The following TMEM266 variants were observed in gnomAD, a reference collection of about 807,000 sequenced individuals.
TMEM266 encodes transmembrane protein 266, also known as Hv1 related protein 1.
Under a neutral mutation model 50.5 loss-of-function variants are expected in TMEM266, and 33 were observed. The observed-to-expected ratio is 0.65, with a 90% confidence interval of 0.50 to 0.87. The LOEUF (loss-of-function observed/expected upper bound fraction) is 0.87. TMEM266 is among the 40% of genes least tolerant of loss of function. The pLI, the probability that TMEM266 is intolerant of heterozygous loss-of-function variation, is 0.00. For missense variants in TMEM266, 655 were observed against 695.1 expected, an observed-to-expected ratio of 0.94 and a Z score of 0.65; for synonymous variants, 310 against 292.3, an observed-to-expected ratio of 1.06 and a Z score of -0.62.
At chr15:76,152,836 C>G (rs1366192578) in intron 3 of TMEM266, among the ~76,000 whole-genome samples, 1 of 152,208 alleles carries the variant, frequency 6.6e-6, no homozygotes, top group Admixed American at 6.5e-5. Context: ...GCCTGACCCT[C>G]TCTCCCACTA....
At chr15:76,093,849 A>G (rs1322692496) in intron 1 of TMEM266, among the ~76,000 whole-genome samples, 2 of 151,928 alleles carry the variant, frequency 1.3e-5, no homozygotes, top group East Asian at 3.8e-4. Flanking sequence ...TTTGATTTGC[A>G]TTTCTCTGAT....
chr15:76,074,899 AT>A lies in TMEM266; in HGVS notation c.-97+14886del, dbSNP rs1188931308. Among the ~76,000 whole-genome samples, 2 of 151,958 alleles carry A rather than the reference AT, an allele frequency of 1.3e-5. 1 individual carries two copies. Among genetic ancestry groups the A allele is most frequent in the African/African-American group, 4.8e-5 (2 of 41,272 alleles). On this transcript the variant is annotated intron_variant, in intron 1 of 10. Transcript: ENST00000388942. ...ATATTTTGAAGGTGGAGCTGGTAGG[AT>A]TTGCTGATGGATTGGTTGTGGGGTG... is the stretch of plus-strand genomic sequence containing the variant.
chr15:76,084,847 TG>T (rs1280802431), intron 1 of TMEM266, among the ~76,000 whole-genome samples: 1 of 151,996 alleles, frequency 6.6e-6, no homozygotes, highest in African/African-American at 2.4e-5. Flanking sequence ...GTGATCTGCC[TG>T]CCTTGGCCTC....
chr15:76,127,909 T>C (rs1388637283), intron 1 of TMEM266, among the ~76,000 whole-genome samples: 1 of 152,154 alleles, frequency 6.6e-6, no homozygotes, highest in Non-Finnish European at 1.5e-5. Context: ...TTTCGAACAC[T>C]CCAGACATAC....
At chr15:76,164,769 G>A (rs2038067423) in intron 5 of TMEM266, among the ~76,000 whole-genome samples, 1 of 152,138 alleles carries the variant, frequency 6.6e-6, no homozygotes, top group Admixed American at 6.6e-5. Context: ...ACCACCCTAC[G>A]CCCCCAACCC....
chr15:76,126,260 T>C (rs938478301), intron 1 of TMEM266, among the ~76,000 whole-genome samples: 1 of 151,636 alleles, frequency 6.6e-6, no homozygotes, highest in East Asian at 1.9e-4. Context: ...TGAAGAGATA[T>C]CTGCACTCTT....
intron 1 of TMEM266, among the ~76,000 whole-genome samples, chr15:76,076,004 A>T (rs1203216510): frequency 6.6e-6 from 1 of 151,432 alleles, no homozygotes; most frequent in South Asian, 2.1e-4. Context: ...CCACAGGTAC[A>T]TACCACCATG....
At chr15:76,192,705 A>AG (rs913900694) in intron 9 of TMEM266, among the ~76,000 whole-genome samples, 4 of 152,242 alleles carry the variant, frequency 2.6e-5, no homozygotes, top group African/African-American at 9.6e-5. Flanking sequence ...CACGAGCGAT[A>AG]GCCCAGGGTA....
At chr15:76,191,944 A>G (rs1268646698) in intron 8 of TMEM266, 24 bp from the exon 9 acceptor site, 2 of 1,558,668 alleles carry the variant, frequency 1.3e-6, no homozygotes, top group Admixed American at 1.9e-5. Context: ...CCGCTGATTC[A>G]GCCTTGCCCG....
At chr15:76,112,257 AAAC>A (rs1468079021) in intron 1 of TMEM266, 1 of 152,226 alleles carries the variant, frequency 6.6e-6, no homozygotes, top group African/African-American at 2.4e-5. Context: ...CCATAAAAGT[AAAC>A]AACACAAAGA....
At chr15:76,106,539 A>G (rs2037083208) in intron 1 of TMEM266, among the ~76,000 whole-genome samples, 1 of 152,104 alleles carries the variant, frequency 6.6e-6, no homozygotes, top group South Asian at 2.1e-4. Flanking sequence ...TCCTGAACTC[A>G]AGCGATCCTC....
rs1386781065 is a variant in TMEM266, at chr15:76,139,624, G to A, written c.227+1729G>A. ...GGGCTCTGCAAATGATGTAGCTGGTGGGTCCTTCTCTGAGCACCCAGCAAG... is the reference window on the plus strand; with the variant it reads ...GGGCTCTGCAAATGATGTAGCTGGTAGGTCCTTCTCTGAGCACCCAGCAAG... On this transcript the variant is annotated intron_variant, in intron 3 of 10. Coordinates refer to ENST00000388942, the MANE Select transcript of TMEM266 (RefSeq NM_152335.3). The surrounding 1 kb of genome is among the most constrained non-coding windows in gnomAD (Gnocchi z 4.1). Among the ~76,000 whole-genome samples the A allele has an allele frequency of 6.6e-6, 1 of 152,182 alleles. No homozygotes were observed. The highest frequency in any genetic ancestry group is 2.4e-5 in the African/African-American group (1 of 41,442).
chr15:76,109,546 C>T (rs528809881), intron 1 of TMEM266, among the ~76,000 whole-genome samples: 1 of 152,096 alleles, frequency 6.6e-6, no homozygotes, highest in East Asian at 1.9e-4. Flanking sequence ...CCTGGGGTCC[C>T]GACAACATGG....
At chr15:76,156,192 C>A (rs2037921754) in intron 3 of TMEM266, among the ~76,000 whole-genome samples, 1 of 152,158 alleles carries the variant, frequency 6.6e-6, no homozygotes, top group Non-Finnish European at 1.5e-5. Flanking sequence ...GAAACCCCAT[C>A]TCTACAAAAA....
intron 1 of TMEM266, among the ~76,000 whole-genome samples, chr15:76,111,703 C>G (rs1312552207): frequency 6.6e-6 from 1 of 152,242 alleles, no homozygotes; most frequent in East Asian, 1.9e-4. Context: ...CCACCATGCC[C>G]GGCCAACACT....
At chr15:76,091,047 T>C (rs2036840999) in intron 1 of TMEM266, among the ~76,000 whole-genome samples, 2 of 152,160 alleles carry the variant, frequency 1.3e-5, no homozygotes, top group African/African-American at 4.8e-5. Context: ...TACAATTACA[T>C]GTCAACTAAA....
At chr15:76,082,032 C>T (rs1274001151) in intron 1 of TMEM266, among the ~76,000 whole-genome samples, 3 of 152,182 alleles carry the variant, frequency 2.0e-5, no homozygotes, top group African/African-American at 7.2e-5. Context: ...CCACCTATGT[C>T]AGAACCGTAT....
At chr15:76,158,567 ATT>A (rs2037963308) in intron 4 of TMEM266, among the ~76,000 whole-genome samples, 1 of 152,204 alleles carries the variant, frequency 6.6e-6, no homozygotes, top group African/African-American at 2.4e-5. Flanking sequence ...TATCCAGGAG[ATT>A]GATTTTGGTC....
At chr15:76,194,116 C>T (rs1158814593) in intron 9 of TMEM266, among the ~76,000 whole-genome samples, 5 of 152,218 alleles carry the variant, frequency 3.3e-5, no homozygotes, top group Admixed American at 3.3e-4. Flanking sequence ...GACCCAGCCT[C>T]ACGTGCTCCC....
Sources: gnomAD v4.1 joint callset for allele counts (sites outside exome capture counted in the v4.1 genomes callset) on GRCh38, gnomAD v4.1.1 for gene constraint, Gnocchi (gnomAD v3.1) non-coding constraint, MANE v1.5 for transcripts, NCBI Gene and HGNC (gene_info 2026-07-23, HGNC 2026-07-21) for gene names.